Variants in GRIN2B observed in about 807,000 individuals in gnomAD.
The protein encoded by GRIN2B is glutamate ionotropic receptor NMDA type subunit 2B, also known as glutamate receptor ionotropic, NMDA 2B.
GRIN2B carries 5 observed loss-of-function variants against 114.5 expected under a neutral mutation model. The ratio of observed to expected loss-of-function variants is 0.04; its 90% CI spans 0.02 to 0.09. The LOEUF is 0.09. Among genes scored for constraint, GRIN2B ranks in the 10% least tolerant of loss-of-function variants. The probability of loss-of-function intolerance (pLI) is 1.00; values close to 1 mark genes in which losing one functional copy is unlikely to be tolerated. For missense variants in GRIN2B, 1,108 were observed against 1,943.5 expected (o/e 0.57, Z 8.08); for synonymous variants, 787 against 745.1 (o/e 1.06, Z -0.92).
intron 2 of GRIN2B, among the ~76,000 whole-genome samples, chr12:13,909,129 G>A (rs754793714): frequency 5.3e-5 from 8 of 152,094 alleles, no homozygotes; most frequent in Admixed American, 4.6e-4. Flanking sequence ...AATGATCCTC[G>A]GACAGCACAA....
intron 5 of GRIN2B, among the ~76,000 whole-genome samples, chr12:13,626,017 C>A (rs1949561804): frequency 6.6e-6 from 1 of 152,166 alleles, no homozygotes; most frequent in African/African-American, 2.4e-5. Flanking sequence ...GGCTCAAGGG[C>A]TCAAAAACTC....
At chr12:13,968,710 C>T (rs1867829076) in intron 2 of GRIN2B, among the ~76,000 whole-genome samples, 1 of 152,212 alleles carries the variant, frequency 6.6e-6, no homozygotes, top group Admixed American at 6.5e-5. Flanking sequence ...AAACTGCCCT[C>T]TGAGTTAATA....
intron 3 of GRIN2B, among the ~76,000 whole-genome samples, chr12:13,807,274 T>A (rs1443805002): frequency 6.6e-6 from 1 of 152,172 alleles, no homozygotes; most frequent in East Asian, 1.9e-4. Context: ...ACAACCGTGC[T>A]GTGATTCTCC....
chr12:13,836,334 A>G (rs766064135), intron 3 of GRIN2B, among the ~76,000 whole-genome samples: 3 of 152,204 alleles, frequency 2.0e-5, no homozygotes, highest in Non-Finnish European at 4.4e-5. Flanking sequence ...GTAACCATGC[A>G]TGGAACACTG....
chr12:13,561,814 C>T lies in GRIN2B; in HGVS notation c.*969G>A, dbSNP rs138971426. The T allele has an allele frequency of 2.0e-5, 3 of 152,706 alleles. No individual in the cohort carries two copies. The highest frequency in any genetic ancestry group is 2.9e-5 in the Non-Finnish European group (2 of 68,032). 9.5% of individuals were successfully genotyped at this position (152,706 alleles called of 1,614,324 possible). A position where few individuals can be genotyped will look rare whatever the true frequency, so the allele number is the denominator to read the frequency against. ...ACCTTGTTCTTGCAGGATTGCTCAC[C>T]GCCTTTTTTTGTTTAGACCACAGAA... On this transcript the variant is annotated 3_prime_UTR_variant, in exon 14 of 14. Coordinates refer to ENST00000609686, the MANE Select transcript of GRIN2B (RefSeq NM_000834.5).
upstream of GRIN2B, among the ~76,000 whole-genome samples, chr12:13,982,113 G>A (rs1863153179): frequency 6.6e-6 from 1 of 151,686 alleles, no homozygotes; most frequent in Non-Finnish European, 1.5e-5. Context: ...ATGTGCTGGG[G>A]AAGTGGGGTG....
rs1401155726 is a variant in GRIN2B, at chr12:13,554,083, C to T, written c.*8700G>A. On this transcript the variant is annotated 3_prime_UTR_variant, in exon 14 of 14. Transcript: ENST00000609686. ...GATACAAATGGGCAAAATAAAGTGA[C>T]TCCTTCTCAATTATAATTTATAATA... 6.6e-6 allele frequency: 1 copy of T among 152,142 alleles called. No homozygotes were observed. The highest frequency in any genetic ancestry group is 1.5e-5 in the Non-Finnish European group (1 of 68,026). 9.4% of individuals were successfully genotyped at this position (152,142 alleles called of 1,614,324 possible).
At chr12:13,808,758 T>G in intron 3 of GRIN2B, among the ~76,000 whole-genome samples, 1 of 143,858 alleles carries the variant, frequency 7.0e-6, no homozygotes, top group East Asian at 2.0e-4. Flanking sequence ...AAAAAATATA[T>G]ATATATATAT....
intron 10 of GRIN2B, among the ~76,000 whole-genome samples, chr12:13,603,111 G>A (rs1949185847): frequency 6.6e-6 from 1 of 152,142 alleles, no homozygotes; most frequent in Non-Finnish European, 1.5e-5. Context: ...TTAAAGCTAA[G>A]GGTCACTCTA....
intron 2 of GRIN2B, among the ~76,000 whole-genome samples, chr12:13,898,255 A>G (rs1335673405): frequency 6.6e-6 from 1 of 152,170 alleles, no homozygotes; most frequent in East Asian, 1.9e-4. Context: ...CTAGCTTCTT[A>G]TATTATTGAT....
chr12:13,571,533 T>C (rs1347356270), intron 11 of GRIN2B, among the ~76,000 whole-genome samples: 1 of 152,226 alleles, frequency 6.6e-6, no homozygotes, highest in African/African-American at 2.4e-5. Flanking sequence ...CTCCTACTTC[T>C]ACATTTATTT....
chr12:13,916,722 C>T (rs1281545308), intron 2 of GRIN2B, among the ~76,000 whole-genome samples: 1 of 55,160 alleles, frequency 1.8e-5, no homozygotes, highest in African/African-American at 5.4e-5. Context: ...TACACACACA[C>T]ACACACACAC....
At position 13,549,830 on chromosome 12, in the gene GRIN2B, C is replaced by T. The variant is rs943742045; in HGVS notation, c.*12953G>A. 6.6e-6 allele frequency: 1 copy of T among 152,162 alleles called. No individual in the cohort carries two copies. The highest frequency in any genetic ancestry group is 2.4e-5 in the African/African-American group (1 of 41,440). 9.4% of individuals were successfully genotyped at this position (152,162 alleles called of 1,614,324 possible). Reference sequence around the variant, plus strand: ...TTCAAATTTTTGCTTTCTTCTTGCTCTTTTTGACTTGTCTCTGTAGATGTA... The same window carrying T: ...TTCAAATTTTTGCTTTCTTCTTGCTTTTTTTGACTTGTCTCTGTAGATGTA... On this transcript the variant is annotated 3_prime_UTR_variant, in exon 14 of 14. Coordinates refer to ENST00000609686, the MANE Select transcript of GRIN2B (RefSeq NM_000834.5).
chr12:13,910,499 C>T (rs1866611413), intron 2 of GRIN2B, among the ~76,000 whole-genome samples: 1 of 152,212 alleles, frequency 6.6e-6, no homozygotes, highest in Non-Finnish European at 1.5e-5. Flanking sequence ...CTGTCCATAG[C>T]TAATCCTTTG....
Position 13,753,185 on chromosome 12 carries a change from C to T in GRIN2B, c.1010+132G>A. The T allele has an allele frequency of 2.1e-5, 16 of 770,156 alleles. No homozygotes were observed. The highest frequency in any genetic ancestry group is 1.9e-4 in the South Asian group (14 of 72,584). The allele number at this position is 770,156 out of a possible 1,614,324, so 47.7% of individuals were successfully genotyped here. A position where few individuals can be genotyped will look rare whatever the true frequency, so the allele number is the denominator to read the frequency against. On this transcript the variant is annotated intron_variant, in intron 4 of 13. Transcript: ENST00000609686. This position sits in a 1 kb window ranked among gnomAD's most constrained non-coding sequence, Gnocchi z 6.2. ...ACACTCCCCCAATCATGACCAATTG[C>T]CATGCCCAAGGCCAGGCTTCAACCT...
At chr12:13,816,350 C>T (rs1472664978) in intron 3 of GRIN2B, among the ~76,000 whole-genome samples, 1 of 152,144 alleles carries the variant, frequency 6.6e-6, no homozygotes, top group East Asian at 1.9e-4. Context: ...AATATTCTCC[C>T]CATCCTTCTG....
intron 2 of GRIN2B, among the ~76,000 whole-genome samples, chr12:13,962,089 T>A (rs11055695): frequency 6.9e-6 from 1 of 145,238 alleles, no homozygotes; most frequent in Non-Finnish European, 1.5e-5. Context: ...CTCTCATACA[T>A]ACACACACAC....
chr12:13,727,124 G>C (rs545422070), intron 4 of GRIN2B, among the ~76,000 whole-genome samples: 9 of 152,202 alleles, frequency 5.9e-5, no homozygotes, highest in African/African-American at 2.2e-4. Context: ...ATAGGTAAGA[G>C]GCTCCAAATT....
intron 5 of GRIN2B, among the ~76,000 whole-genome samples, chr12:13,656,311 T>C (rs1421674738): frequency 6.6e-6 from 1 of 152,150 alleles, no homozygotes; most frequent in Non-Finnish European, 1.5e-5. Context: ...TAAAACAGTA[T>C]CTAGGATCAC....
Sources: gnomAD v4.1 joint callset for allele counts (sites outside exome capture counted in the v4.1 genomes callset) on GRCh38, gnomAD v4.1.1 for gene constraint, Gnocchi (gnomAD v3.1) non-coding constraint, MANE v1.5 for transcripts, NCBI Gene and HGNC (gene_info 2026-07-23, HGNC 2026-07-21) for gene names.